The following HMGXB3 variants were observed in gnomAD, a reference collection of about 807,000 sequenced individuals.
HMGXB3 encodes HMG domain-containing protein 3.
In HMGXB3, 45 loss-of-function variants were observed where a neutral mutation model predicts 121.5. The observed-to-expected ratio is 0.37, with a 90% CI of 0.29 to 0.47. HMGXB3 has a LOEUF of 0.47. HMGXB3 is among the 20% of genes least tolerant of loss of function. The pLI is 0.99. For missense variants in HMGXB3, 1,376 were observed against 1,602.2 expected (o/e 0.86, Z 2.41); for synonymous variants, 590 against 624.1 (o/e 0.95, Z 0.81).
intron 2 of HMGXB3, 141 bp from the exon 3 acceptor site, chr5:150,006,332 T>C: frequency 1.7e-6 from 1 of 577,206 alleles, no homozygotes. Flanking sequence ...TTTATCAACC[T>C]CTTGACTACC....
At chr5:150,017,603 C>T (rs979194479) in intron 5 of HMGXB3, among the ~76,000 whole-genome samples, 15 of 152,198 alleles carry the variant, frequency 9.9e-5, no homozygotes, top group Non-Finnish European at 1.6e-4. Context: ...TGACTTAATA[C>T]CACTGTCATA....
chr5:150,018,809 A>G, intron 6 of HMGXB3, 112 bp downstream of exon 6: 6 of 958,222 alleles, frequency 6.3e-6, no homozygotes, highest in Non-Finnish European at 7.5e-6. Flanking sequence ...CTGTCTGACT[A>G]TACAAGTAAA....
At chr5:150,010,056 G>T in intron 3 of HMGXB3, 55 bp from the exon 4 acceptor site, 2 of 1,504,310 alleles carry the variant, frequency 1.3e-6, no homozygotes, top group Admixed American at 2.1e-5. Context: ...TCTCCATGTG[G>T]TCTTAGTCCA....
intron 6 of HMGXB3, among the ~76,000 whole-genome samples, chr5:150,020,867 GT>G (rs1421245861): frequency 2.0e-5 from 3 of 151,558 alleles, no homozygotes; most frequent in African/African-American, 7.3e-5. Flanking sequence ...AGCCTCCCGA[GT>G]AGCTGGGATT....
chr5:150,021,232 G>A (rs1009541192), intron 6 of HMGXB3, among the ~76,000 whole-genome samples: 2 of 152,162 alleles, frequency 1.3e-5, no homozygotes, highest in African/African-American at 4.8e-5. Flanking sequence ...GAGAAGACAG[G>A]TAACATTTTA....
chr5:150,029,356 T>G (rs1412497557), intron 9 of HMGXB3, among the ~76,000 whole-genome samples: 1 of 146,730 alleles, frequency 6.8e-6, no homozygotes, highest in Non-Finnish European at 1.5e-5. Flanking sequence ...TCATGTCAAA[T>G]GGGTAATGTG....
At chr5:150,016,340 CAA>C (rs34992392) in intron 5 of HMGXB3, among the ~76,000 whole-genome samples, 13,750 of 92,606 alleles carry the variant, frequency 0.15, 590 homozygotes, top group Non-Finnish European at 0.19. Context: ...GACTCTGTCT[CAA>C]AAAAAAAAAA....
At chr5:150,008,055 TCACACACACACA>T (rs70973560) in intron 3 of HMGXB3, among the ~76,000 whole-genome samples, 92 of 130,106 alleles carry the variant, frequency 7.1e-4, no homozygotes, top group African/African-American at 2.2e-3. Flanking sequence ...AGACTCTGTT[TCACACACACACA>T]CACACACACA....
At position 150,045,726 on chromosome 5, in the gene HMGXB3, C is replaced by T. The variant is rs1038326289; in HGVS notation, c.2950+41C>T. On this transcript the variant is annotated intron_variant, in intron 16 of 19. Transcript: ENST00000502717. ...GGCTGACTGGGGTCAAAAAAGGGCT[C>T]AGTCAAGAGTCTGGGACATTGTCCA... 9 of 1,466,210 alleles carry T rather than the reference C, an allele frequency of 6.1e-6. No individual in the cohort carries two copies. In the African/African-American group the frequency reaches 1.1e-4, roughly 18 times the overall value. 90.8% of individuals were successfully genotyped at this position (1,466,210 alleles called of 1,614,324 possible). A position where few individuals can be genotyped will look rare whatever the true frequency, so the allele number is the denominator to read the frequency against.
chr5:150,025,153 A>G (rs1032274886), intron 7 of HMGXB3, among the ~76,000 whole-genome samples: 1 of 152,144 alleles, frequency 6.6e-6, no homozygotes, highest in Non-Finnish European at 1.5e-5. Context: ...CTTGAGTTGG[A>G]TATTAGAAAA....
chr5:150,005,285 A>G (rs1755669747), intron 2 of HMGXB3, among the ~76,000 whole-genome samples: 1 of 152,264 alleles, frequency 6.6e-6, no homozygotes, highest in Non-Finnish European at 1.5e-5. Flanking sequence ...CATTTAAAAC[A>G]AAGCATTAAT....
At chr5:150,017,529 G>A (rs536786202) in intron 5 of HMGXB3, among the ~76,000 whole-genome samples, 4 of 152,194 alleles carry the variant, frequency 2.6e-5, no homozygotes, top group Non-Finnish European at 5.9e-5. Flanking sequence ...TGTATTAGTG[G>A]CAAAATTGGA....
At chr5:150,017,986 C>A (rs866439944) in intron 5 of HMGXB3, among the ~76,000 whole-genome samples, 4 of 152,238 alleles carry the variant, frequency 2.6e-5, no homozygotes, top group South Asian at 2.1e-4. Flanking sequence ...GGCTTATAGT[C>A]CTGAACTGCC....
chr5:150,028,489 GTATA>G (rs1197595051), intron 9 of HMGXB3, among the ~76,000 whole-genome samples: 1 of 106,252 alleles, frequency 9.4e-6, no homozygotes, highest in Admixed American at 1.0e-4. Context: ...ATATATATAT[GTATA>G]TATATGTATG....
At chr5:150,014,537 A>G (rs151317364) in intron 5 of HMGXB3, among the ~76,000 whole-genome samples, 2 of 152,356 alleles carry the variant, frequency 1.3e-5, no homozygotes, top group Non-Finnish European at 2.9e-5. Flanking sequence ...AAAACAGTTC[A>G]ACTTACTGCC....
chr5:150,045,380 C>G, intron 15 of HMGXB3, 86 bp from the exon 16 acceptor site: 2 of 1,151,524 alleles, frequency 1.7e-6, no homozygotes, highest in Middle Eastern at 2.0e-4. Context: ...CTTGGCTTCC[C>G]TGTGTGTATA....
At position 150,045,671 on chromosome 5, in the gene HMGXB3, T is replaced by A. The variant is rs532746846; in HGVS notation, c.2936T>A (p.Val979Glu). 1 of 1,551,668 alleles carries A rather than the reference T, an allele frequency of 6.4e-7. No homozygotes were observed. The highest frequency in any genetic ancestry group is 8.7e-7 in the Non-Finnish European group (1 of 1,146,972). ...ACTGAGAAAGACAAAAACCTGGATG[T>A]GCAGCCAGTACCTGGTAAGGCCACC... Reference protein sequence around the residue: ...VNTEKDKNLDVQPVPGSGSAL... With the variant: ...VNTEKDKNLDEQPVPGSGSAL... The change falls in exon 16 of 20, where the codon GTG becomes GAG. Residue 979 changes from valine to glutamate, a missense_variant. This residue lies in a region of HMGXB3 where 1,116 missense variants were observed against 1,369.0 expected (regional missense o/e 0.82). Coordinates refer to ENST00000502717, the MANE Select transcript of HMGXB3 (RefSeq NM_014983.3).
chr5:150,046,350 T>C (rs1756755023), intron 16 of HMGXB3, among the ~76,000 whole-genome samples: 1 of 152,274 alleles, frequency 6.6e-6, no homozygotes, highest in African/African-American at 2.4e-5. Flanking sequence ...CGCAGAATGA[T>C]ATTCGTACAT....
intron 12 of HMGXB3, 95 bp from the exon 13 acceptor site, chr5:150,037,305 C>T: frequency 1.6e-6 from 2 of 1,244,638 alleles, no homozygotes; most frequent in Middle Eastern, 3.9e-4. Flanking sequence ...TAAGCTCCAG[C>T]AAATGAGAAT....
Sources: allele counts gnomAD v4.1 joint callset (sites outside exome capture counted in the v4.1 genomes callset), GRCh38; gene constraint gnomAD v4.1.1; regional missense constraint gnomAD v4.1.1; transcripts MANE v1.5; gene names NCBI Gene and HGNC (gene_info 2026-07-23, HGNC 2026-07-21).